SANBR: variants seen among roughly 807,000 people sequenced by gnomAD.
SANBR encodes the protein SANT and BTB domain regulator of CSR.
Under a neutral mutation model 101.8 loss-of-function variants are expected in SANBR, and 77 were observed. The observed-to-expected ratio is 0.76, with a 90% confidence interval of 0.63 to 0.91. The LOEUF (loss-of-function observed/expected upper bound fraction) is 0.91, where lower values mean the gene tolerates loss of function less well. Among genes scored for constraint, SANBR ranks in the 40% least tolerant of loss-of-function variants. The pLI is 0.00. For synonymous variants in SANBR, 279 were observed against 274.7 expected (o/e 1.02, Z -0.15); for missense variants, 875 against 853.0 (o/e 1.03, Z -0.32).
downstream of SANBR, among the ~76,000 whole-genome samples, chr2:61,125,775 T>G (rs2104981992): frequency 6.6e-6 from 1 of 152,212 alleles, no homozygotes; most frequent in East Asian, 1.9e-4. Context: ...CCTTATCTCC[T>G]TTAGCCTCAC....
At position 61,088,315 on chromosome 2, in the gene SANBR, C is replaced by T. The variant is rs1354758737; in HGVS notation, c.978-43C>T. 8 of 1,568,302 alleles carry T rather than the reference C, an allele frequency of 5.1e-6. No individual in the cohort carries two copies. The Admixed American group carries it at 1.6e-4, about 31-fold the overall frequency. On this transcript the variant is annotated intron_variant, in intron 9 of 21. Coordinates refer to ENST00000402291, the MANE Select transcript of SANBR (RefSeq NM_001129993.3). The stretch of plus-strand genomic sequence containing the variant: ...TATATTCTTTAATTTACTACATTTA[C>T]ATTCTTCTTCCTGGATGTTTTTTGT...
At chr2:61,119,674 G>T (rs1190911792) in intron 20 of SANBR, among the ~76,000 whole-genome samples, 1 of 152,038 alleles carries the variant, frequency 6.6e-6, no homozygotes, top group Non-Finnish European at 1.5e-5. Context: ...AAACCTAAAT[G>T]AGGCCGGATA....
At chr2:61,111,181 C>G (rs1211972661) in intron 16 of SANBR, among the ~76,000 whole-genome samples, 1 of 152,114 alleles carries the variant, frequency 6.6e-6, no homozygotes, top group African/African-American at 2.4e-5. Context: ...ATCACGAGCT[C>G]AGAAGATCGA....
In SANBR at chr2:61,122,203, C is replaced by T; in HGVS notation, c.*41C>T. ...AAGTAAAAAGAGAGAAGGCACTCTTCTGGACATCTGAAATTGCTCACTTCT... is the reference window on the plus strand; with the variant it reads ...AAGTAAAAAGAGAGAAGGCACTCTTTTGGACATCTGAAATTGCTCACTTCT... On this transcript the variant is annotated 3_prime_UTR_variant, in exon 22 of 22. Transcript: ENST00000402291. 1.3e-6 allele frequency: 2 copies of T among 1,526,362 alleles called. No individual in the cohort carries two copies. Among genetic ancestry groups the T allele is most frequent in the East Asian group, 2.4e-5 (1 of 40,874 alleles). The allele number at this position is 1,526,362 out of a possible 1,614,324, so 94.6% of individuals were successfully genotyped here.
intron 5 of SANBR, among the ~76,000 whole-genome samples, 194 bp from the exon 6 acceptor site, chr2:61,076,726 T>G (rs1681805852): frequency 6.6e-6 from 1 of 152,180 alleles, no homozygotes; most frequent in Non-Finnish European, 1.5e-5. Context: ...CGTCAGTAAT[T>G]TGCTAAAATT....
intron 20 of SANBR, among the ~76,000 whole-genome samples, chr2:61,129,702 G>A (rs1398111421): frequency 6.6e-6 from 1 of 151,460 alleles, no homozygotes; most frequent in African/African-American, 2.4e-5. Flanking sequence ...GGTAATACAG[G>A]AACAAATGAA....
intron 4 of SANBR, 24 bp downstream of exon 4, chr2:61,071,816 G>T: frequency 6.9e-7 from 1 of 1,459,140 alleles, no homozygotes; most frequent in South Asian, 1.3e-5. Flanking sequence ...CTAAAATGTA[G>T]TACTTGCCCT....
At chr2:61,073,752 T>G (rs1009857296) in intron 5 of SANBR, among the ~76,000 whole-genome samples, 1 of 151,894 alleles carries the variant, frequency 6.6e-6, no homozygotes, top group Non-Finnish European at 1.5e-5. Flanking sequence ...AGTTTTCTAT[T>G]TAAAGATTTT....
chr2:61,076,111 A>C (rs1416908717), intron 5 of SANBR, among the ~76,000 whole-genome samples: 2 of 151,344 alleles, frequency 1.3e-5, no homozygotes, highest in East Asian at 2.0e-4. Flanking sequence ...CTCCTGCCTC[A>C]GCCTCCTAGG....
chr2:61,135,050 T>C (rs1035446693), intron 21 of SANBR, among the ~76,000 whole-genome samples: 11 of 151,960 alleles, frequency 7.2e-5, no homozygotes, highest in Non-Finnish European at 1.6e-4. Context: ...ATTAGCTAGG[T>C]GTGGTGGCAC....
intron 1 of SANBR, among the ~76,000 whole-genome samples, chr2:61,067,341 T>G (rs1248240172): frequency 6.6e-6 from 1 of 152,240 alleles, no homozygotes; most frequent in Non-Finnish European, 1.5e-5. Context: ...TTTGAACTTT[T>G]AAATGAATCT....
downstream of SANBR, among the ~76,000 whole-genome samples, chr2:61,128,776 G>A (rs371646531): frequency 1.8e-4 from 28 of 152,194 alleles, no homozygotes; most frequent in African/African-American, 6.7e-4. Flanking sequence ...TTACTAGCGT[G>A]AGCCACCGTG....
intron 2 of SANBR, 138 bp from the exon 3 acceptor site, chr2:61,070,204 G>A (rs1681388290): frequency 3.8e-6 from 2 of 532,348 alleles, no homozygotes; most frequent in African/African-American, 2.0e-5. Context: ...GCTATACTAT[G>A]TTTATTTTAG....
At chr2:61,121,090 A>C in intron 20 of SANBR, 95 bp from the exon 21 acceptor site, 1 of 897,884 alleles carries the variant, frequency 1.1e-6, no homozygotes, top group Non-Finnish European at 1.7e-6. Context: ...AAATCAAAAT[A>C]AAATTACTTC....
intron 6 of SANBR, 107 bp downstream of exon 6, chr2:61,077,265 T>C (rs1467320347): frequency 2.6e-6 from 2 of 757,164 alleles, no homozygotes; most frequent in Non-Finnish European, 4.6e-6. Flanking sequence ...CCGGTGTTTA[T>C]GCTCATATTA....
At chr2:61,121,441 A>C (rs1684327954) in intron 21 of SANBR, 165 bp downstream of exon 21, 2 of 481,556 alleles carry the variant, frequency 4.2e-6, no homozygotes, top group Non-Finnish European at 7.6e-6. Context: ...TTTAACTTAA[A>C]AGATAAAATC....
chr2:61,120,225 G>A (rs999593874), intron 20 of SANBR, among the ~76,000 whole-genome samples: 8 of 152,034 alleles, frequency 5.3e-5, no homozygotes, highest in African/African-American at 9.7e-5. Flanking sequence ...ACATTGGACC[G>A]GGTGCAGTGG....
intron 10 of SANBR, among the ~76,000 whole-genome samples, chr2:61,090,252 G>A (rs563550722): frequency 2.6e-5 from 4 of 152,086 alleles, no homozygotes; most frequent in Non-Finnish European, 5.9e-5. Context: ...TATTACAGAT[G>A]ATTTTAATTT....
chr2:61,125,926 T>TC (rs1328434079), downstream of SANBR, among the ~76,000 whole-genome samples: 5 of 152,204 alleles, frequency 3.3e-5, no homozygotes, highest in African/African-American at 1.2e-4. Context: ...GAAATAGTTT[T>TC]CCCTTGGGTT....
Sources: allele counts gnomAD v4.1 joint callset (sites outside exome capture counted in the v4.1 genomes callset), GRCh38; gene constraint gnomAD v4.1.1; transcripts MANE v1.5; gene names NCBI Gene and HGNC (gene_info 2026-07-23, HGNC 2026-07-21).